The following SEL1L3 variants were observed in gnomAD, a reference collection of about 807,000 sequenced individuals.
The protein encoded by SEL1L3 is SEL1L family member 3.
A neutral mutation model predicts 142.8 loss-of-function variants in SEL1L3; 76 were observed. The ratio of observed to expected loss-of-function variants is 0.53; its 90% CI spans 0.44 to 0.64. The LOEUF (loss-of-function observed/expected upper bound fraction) is 0.64, where lower values mean the gene tolerates loss of function less well. Among genes scored for constraint, SEL1L3 ranks in the 30% least tolerant of loss-of-function variants. The probability of loss-of-function intolerance (pLI) is 0.00; values close to 1 mark genes in which losing one functional copy is unlikely to be tolerated. For missense variants in SEL1L3, 1,262 were observed against 1,381.7 expected (o/e 0.91, Z 1.37); for synonymous variants, 504 against 519.6 (o/e 0.97, Z 0.41).
the SEL1L3 span, among the ~76,000 whole-genome samples, chr4:25,730,512 G>A: frequency 6.6e-6 from 1 of 151,998 alleles, no homozygotes; most frequent in African/African-American, 2.4e-5. Context: ...CAACACATAC[G>A]CACAATTCCT....
chr4:25,830,163 T>C lies in SEL1L3; in HGVS notation c.1099-7A>G, dbSNP rs1479651141. 1 of 1,591,198 alleles carries C rather than the reference T, an allele frequency of 6.3e-7. No homozygotes were observed. ...TGCTAGTGGTTACTACTATCTATGA[T>C]GGGAGGGATACACAAGAATCAGTTA... On this transcript the variant is annotated splice_polypyrimidine_tract_variant and splice_region_variant and intron_variant, in intron 5 of 23. Transcript: ENST00000399878.
intron 23 of SEL1L3, among the ~76,000 whole-genome samples, chr4:25,753,547 T>C (rs1474763256): frequency 6.6e-6 from 1 of 152,228 alleles, no homozygotes; most frequent in East Asian, 1.9e-4. Flanking sequence ...ACCAGCTCAC[T>C]GGGGAGACAC....
At chr4:25,767,040 C>T (rs914167144) in intron 19 of SEL1L3, among the ~76,000 whole-genome samples, 2 of 152,184 alleles carry the variant, frequency 1.3e-5, no homozygotes, top group Non-Finnish European at 1.5e-5. Flanking sequence ...GCCTGTAACC[C>T]CAGCACTTTG....
the SEL1L3 span, among the ~76,000 whole-genome samples, chr4:25,726,441 T>C: frequency 2.7e-5 from 4 of 149,080 alleles, no homozygotes; most frequent in African/African-American, 9.9e-5. Context: ...GACAGGAGAA[T>C]CACTTGAACC....
At chr4:25,731,496 C>T in the SEL1L3 span, among the ~76,000 whole-genome samples, 1 of 152,152 alleles carries the variant, frequency 6.6e-6, no homozygotes, top group South Asian at 2.1e-4. Flanking sequence ...TCCCTCCCTG[C>T]CTTCTACCCC....
intron 17 of SEL1L3, 96 bp from the exon 18 acceptor site, chr4:25,767,926 C>T: frequency 3.9e-6 from 3 of 763,782 alleles, no homozygotes; most frequent in Non-Finnish European, 6.3e-6. Flanking sequence ...ACAAAATAAG[C>T]AGTTTTTTTA....
At chr4:25,802,525 C>T in intron 10 of SEL1L3, 63 bp from the exon 11 acceptor site, 4 of 1,410,320 alleles carry the variant, frequency 2.8e-6, no homozygotes, top group Admixed American at 3.9e-5. Flanking sequence ...AATCCTAACA[C>T]TGAAAGGTTG....
intron 6 of SEL1L3, among the ~76,000 whole-genome samples, chr4:25,822,823 C>T (rs1246725021): frequency 6.6e-6 from 1 of 152,148 alleles, no homozygotes; most frequent in Non-Finnish European, 1.5e-5. Context: ...GTGTTCCTTG[C>T]AACATTGTTT....
At chr4:25,727,981 T>C in the SEL1L3 span, among the ~76,000 whole-genome samples, 1 of 152,122 alleles carries the variant, frequency 6.6e-6, no homozygotes, top group Non-Finnish European at 1.5e-5. Context: ...TGACATGAAA[T>C]ATGAACTAGG....
At chr4:25,750,909 GT>G (rs1170603691) in intron 23 of SEL1L3, among the ~76,000 whole-genome samples, 1 of 152,236 alleles carries the variant, frequency 6.6e-6, no homozygotes, top group Non-Finnish European at 1.5e-5. Flanking sequence ...ATAGGCTGAC[GT>G]TGGTTTAAAA....
Position 25,748,524 on chromosome 4 carries a change from G to A in SEL1L3, c.3300C>T (p.Asp1100=), listed in dbSNP as rs777482387. The A allele has an allele frequency of 1.9e-6, 3 of 1,611,702 alleles. No individual in the cohort carries two copies. The highest frequency in any genetic ancestry group is 3.4e-5 in the Admixed American group (2 of 59,580). ...CTGGACTTGCAGTGGACGTGGCAGT[G>A]TCTGGGGAGGCCTGGGATGGTCTTG... ...PPPRPSQASP[D]TATSTASPAV... The change falls in exon 24 of 24, where the codon GAC becomes GAT. Residue 1100 remains aspartate, a synonymous_variant. Coordinates refer to ENST00000399878, the MANE Select transcript of SEL1L3 (RefSeq NM_015187.5).
chr4:25,800,930 C>T (rs10012856), intron 11 of SEL1L3, among the ~76,000 whole-genome samples: 1 of 152,186 alleles, frequency 6.6e-6, no homozygotes, highest in African/African-American at 2.4e-5. Flanking sequence ...TTCCAGAAAC[C>T]AACCATTCCC....
intron 15 of SEL1L3, among the ~76,000 whole-genome samples, chr4:25,779,906 C>T (rs2109165874): frequency 1.3e-5 from 2 of 152,260 alleles, no homozygotes; most frequent in East Asian, 1.9e-4. Context: ...TTAATCTCTC[C>T]AAACCTAATT....
At position 25,793,409 on chromosome 4, in the gene SEL1L3, G is replaced by A. The variant is rs575631626; in HGVS notation, c.1957-2835C>T. On this transcript the variant is annotated intron_variant, in intron 11 of 23. Transcript: ENST00000399878. ...AGTGATCCTCCCACTTCAGCCTCCC[G>A]AGTAGCTGAGACCACAGGCATGCAC... 1.1e-4 allele frequency among the ~76,000 whole-genome samples: 16 copies of A among 152,126 alleles called. No homozygotes were observed. The South Asian group carries it at 2.7e-3, about 26-fold the overall frequency.
chr4:25,739,720 CA>C, the SEL1L3 span, among the ~76,000 whole-genome samples: 1,920 of 136,930 alleles, frequency 0.014, 34 homozygotes, highest in African/African-American at 0.039. Flanking sequence ...AAACAAAAAA[CA>C]AAAAAAAAAC....
chr4:25,863,287 A>C, upstream of SEL1L3: 92 of 194,436 alleles, frequency 4.7e-4, no homozygotes, highest in East Asian at 3.5e-3. Context: ...GCTCTCTGCG[A>C]TCCCCCTCCT....
chr4:25,732,577 T>TC, the SEL1L3 span, among the ~76,000 whole-genome samples: 1 of 152,238 alleles, frequency 6.6e-6, no homozygotes, highest in Non-Finnish European at 1.5e-5. Flanking sequence ...TTTCATTGAA[T>TC]GATGACGTTC....
rs1717827915 is a variant in SEL1L3, at chr4:25,862,832, T to G, written c.5A>C (p.Gln2Pro). The change falls in exon 1 of 24, where the codon CAG becomes CCG. Residue 2 changes from glutamine (Q) to proline (P), a missense_variant. Around this residue, in one of 3 missense-constraint regions of SEL1L3, gnomAD observed 689 missense variants for 692.8 expected, o/e 0.99. Transcript: ENST00000399878. Reference sequence around the variant, plus strand: ...CCACCCGAGCCCCGCGCCGCGCCGCTGCATGGCGAGGCCGCCCGGATCCGG... The same window carrying G: ...CCACCCGAGCCCCGCGCCGCGCCGCGGCATGGCGAGGCCGCCCGGATCCGG... M[Q>P]RRGAGLGWPR... 1 of 1,124,196 alleles carries G rather than the reference T, an allele frequency of 8.9e-7. No individual in the cohort carries two copies. The highest frequency in any genetic ancestry group is 1.7e-5 in the African/African-American group (1 of 60,154). 69.6% of individuals were successfully genotyped at this position (1,124,196 alleles called of 1,614,324 possible). A position where few individuals can be genotyped will look rare whatever the true frequency, so the allele number is the denominator to read the frequency against.
chr4:25,848,757 C>G (rs7669398), intron 1 of SEL1L3, among the ~76,000 whole-genome samples: 31,185 of 152,070 alleles, frequency 0.21, 3,857 homozygotes, highest in South Asian at 0.3. Flanking sequence ...AAACTGGAAC[C>G]CTTATGCACT....
Sources: allele counts gnomAD v4.1 joint callset (sites outside exome capture counted in the v4.1 genomes callset), GRCh38; gene constraint gnomAD v4.1.1; regional missense constraint gnomAD v4.1.1; transcripts MANE v1.5; gene names NCBI Gene and HGNC (gene_info 2026-07-23, HGNC 2026-07-21).